Variants in ZNF385D observed in about 807,000 individuals in gnomAD.
ZNF385D encodes the protein zinc finger protein 659.
A neutral mutation model predicts 35.8 loss-of-function variants in ZNF385D; 15 were observed. That is an observed-to-expected ratio of 0.42 (90% confidence interval 0.28 to 0.64). The LOEUF (loss-of-function observed/expected upper bound fraction) is 0.64, where lower values mean the gene tolerates loss of function less well. Ranked by LOEUF, ZNF385D falls within the 30% of genes least tolerant of loss-of-function variation. The pLI is 0.23. For missense variants in ZNF385D, 474 were observed against 494.6 expected, an observed-to-expected ratio of 0.96 and a Z score of 0.39; for synonymous variants, 212 against 186.8, an observed-to-expected ratio of 1.13 and a Z score of -1.10.
chr3:21,522,776 T>G (rs79980518), intron 3 of ZNF385D, among the ~76,000 whole-genome samples: 3,020 of 152,308 alleles, frequency 0.02, 93 homozygotes, highest in African/African-American at 0.067. Context: ...ACATAACTGA[T>G]TTCTTTTTGT....
At chr3:21,810,458 C>T (rs985013815) in intron 3 of ZNF385D, among the ~76,000 whole-genome samples, 1 of 152,042 alleles carries the variant, frequency 6.6e-6, no homozygotes, top group Middle Eastern at 3.4e-3. Flanking sequence ...ACCAACATGG[C>T]ACATGTATAC....
chr3:21,461,172 C>T (rs1703148283), intron 4 of ZNF385D, among the ~76,000 whole-genome samples: 1 of 152,118 alleles, frequency 6.6e-6, no homozygotes, highest in Non-Finnish European at 1.5e-5. Flanking sequence ...AAACTCTCTG[C>T]CTTTCATCTT....
intron 2 of ZNF385D, among the ~76,000 whole-genome samples, chr3:22,170,048 A>G (rs1354114941): frequency 6.6e-6 from 1 of 152,226 alleles, no homozygotes; most frequent in Non-Finnish European, 1.5e-5. Flanking sequence ...CCTCATTTCT[A>G]AGTTTTCTCT....
intron 3 of ZNF385D, among the ~76,000 whole-genome samples, chr3:21,793,098 A>C (rs1161041076): frequency 1.3e-5 from 2 of 152,224 alleles, no homozygotes; most frequent in Non-Finnish European, 2.9e-5. Context: ...AAATAATCTT[A>C]CTACAAAAGT....
intron 3 of ZNF385D, among the ~76,000 whole-genome samples, chr3:21,932,967 G>A (rs186310137): frequency 7.2e-5 from 11 of 152,266 alleles, no homozygotes; most frequent in Admixed American, 2.0e-4. Context: ...AGCTAGAGCA[G>A]GTGTATGGCT....
chr3:22,173,218 TACTAAA>T (rs1694586208), intron 2 of ZNF385D, among the ~76,000 whole-genome samples: 1 of 152,048 alleles, frequency 6.6e-6, no homozygotes. Context: ...CCTAAAGAAA[TACTAAA>T]ACTAAATGAA....
intron 2 of ZNF385D, among the ~76,000 whole-genome samples, chr3:22,362,971 C>A (rs1696484007): frequency 6.6e-6 from 1 of 152,088 alleles, no homozygotes; most frequent in African/African-American, 2.4e-5. Context: ...TGTCACAGAA[C>A]TCACTGTCGA....
intron 3 of ZNF385D, among the ~76,000 whole-genome samples, chr3:21,803,526 T>C (rs1405897079): frequency 6.6e-6 from 1 of 152,172 alleles, no homozygotes; most frequent in Non-Finnish European, 1.5e-5. Flanking sequence ...ATGTTTCACA[T>C]TTCAGCTTAA....
At chr3:21,584,875 A>C (rs2063766959) in intron 2 of ZNF385D, among the ~76,000 whole-genome samples, 1 of 152,140 alleles carries the variant, frequency 6.6e-6, no homozygotes, top group Non-Finnish European at 1.5e-5. Flanking sequence ...CATGCACTTC[A>C]TGTACCCTAT....
chr3:22,025,890 C>T (rs539011088), intron 3 of ZNF385D, among the ~76,000 whole-genome samples: 12 of 152,288 alleles, frequency 7.9e-5, no homozygotes, highest in Admixed American at 3.9e-4. Context: ...ACCGTGGCAA[C>T]GGCAGTCATT....
intron 1 of ZNF385D, among the ~76,000 whole-genome samples, chr3:21,685,528 T>TTTGTCTGTGATTAACTTTGTCTGTGA (rs2067075653): frequency 6.6e-6 from 1 of 152,210 alleles, no homozygotes; most frequent in Non-Finnish European, 1.5e-5. Flanking sequence ...CTGTGATTAA[T>TTTGTCTGTGATTAACTTTGTCTGTGA]TTTACTTATC....
intron 7 of ZNF385D, 87 bp downstream of exon 7, chr3:21,423,875 GT>G (rs1700861700): frequency 7.8e-7 from 1 of 1,283,706 alleles, no homozygotes; most frequent in South Asian, 1.3e-5. Flanking sequence ...CTGGGCTGTG[GT>G]TAAAGGTGGC....
chr3:22,362,016 GTTA>G (rs1432477312), intron 2 of ZNF385D, among the ~76,000 whole-genome samples: 13 of 151,212 alleles, frequency 8.6e-5, no homozygotes, highest in African/African-American at 1.9e-4. Flanking sequence ...GCAGACGTTT[GTTA>G]TTATTAGTTA....
Position 21,852,210 on chromosome 3 carries a change from C to T in ZNF385D, c.326-187182G>A, listed in dbSNP as rs1264192426. 1.3e-5 allele frequency among the ~76,000 whole-genome samples: 2 copies of T among 151,882 alleles called. 1 individual carries two copies. ...GTTTTTCAATGTGAATTTATTGTTT[C>T]CTAAAGCTACAGGATACACTTTATA... On this transcript the variant is annotated intron_variant, in intron 3 of 5. Transcript: ENST00000494108.
chr3:21,787,935 TC>T (rs1375058159), intron 3 of ZNF385D, among the ~76,000 whole-genome samples: 1 of 88,474 alleles, frequency 1.1e-5, no homozygotes, highest in African/African-American at 4.1e-5. Context: ...GAGCGAGACT[TC>T]GTCTCAACAA....
At chr3:21,859,876 G>A (rs1045026828) in intron 3 of ZNF385D, among the ~76,000 whole-genome samples, 4 of 151,976 alleles carry the variant, frequency 2.6e-5, no homozygotes, top group East Asian at 1.9e-4. Flanking sequence ...AGATCTTCCC[G>A]AAGATTCATG....
intron 2 of ZNF385D, among the ~76,000 whole-genome samples, chr3:22,191,469 A>T (rs370875111): frequency 1.3e-5 from 2 of 151,496 alleles, no homozygotes; most frequent in East Asian, 3.9e-4. Flanking sequence ...CCTGGGCAAC[A>T]AGAGTGAAAC....
chr3:21,604,947 G>A (rs1364393308), intron 2 of ZNF385D, among the ~76,000 whole-genome samples: 1 of 152,216 alleles, frequency 6.6e-6, no homozygotes, highest in Non-Finnish European at 1.5e-5. Flanking sequence ...AGCCAGGTCA[G>A]GAGAACAGAA....
chr3:21,621,068 C>G (rs957600433), intron 2 of ZNF385D, among the ~76,000 whole-genome samples: 4 of 152,040 alleles, frequency 2.6e-5, no homozygotes, highest in African/African-American at 9.7e-5. Flanking sequence ...GGAAAGCAGT[C>G]TTTACATTGT....
Sources: gnomAD v4.1 joint callset for allele counts (sites outside exome capture counted in the v4.1 genomes callset) on GRCh38, gnomAD v4.1.1 for gene constraint, MANE v1.5 for transcripts, NCBI Gene and HGNC (gene_info 2026-07-23, HGNC 2026-07-21) for gene names.